Variants in SPTLC3 observed in about 807,000 individuals in gnomAD.
The protein encoded by SPTLC3 is serine palmitoyltransferase long chain base subunit 3.
In SPTLC3, 36 loss-of-function variants were observed where a neutral mutation model predicts 59.3. The ratio of observed to expected loss-of-function variants is 0.61; its 90% CI spans 0.47 to 0.80. The LOEUF (loss-of-function observed/expected upper bound fraction) is 0.80. Ranked by LOEUF, SPTLC3 falls within the 30% of genes least tolerant of loss-of-function variation. The probability of loss-of-function intolerance (pLI) is 0.00; values close to 1 mark genes in which losing one functional copy is unlikely to be tolerated. For missense variants in SPTLC3, 625 were observed against 685.1 expected (o/e 0.91, Z 0.98); for synonymous variants, 257 against 240.8 (o/e 1.07, Z -0.62).
At chr20:13,048,376 T>A (rs926249656) in intron 1 of SPTLC3, among the ~76,000 whole-genome samples, 1 of 152,222 alleles carries the variant, frequency 6.6e-6, no homozygotes. Flanking sequence ...CAGACTTTTT[T>A]AAAAGACCAG....
intron 9 of SPTLC3, among the ~76,000 whole-genome samples, chr20:13,132,472 A>C (rs2038143478): frequency 1.3e-5 from 2 of 151,930 alleles, no homozygotes; most frequent in Admixed American, 6.6e-5. Flanking sequence ...GACCGCACCC[A>C]GCCGCTTTAA....
chr20:13,107,238 T>G (rs1989956241), intron 6 of SPTLC3, among the ~76,000 whole-genome samples: 1 of 152,140 alleles, frequency 6.6e-6, no homozygotes, highest in Non-Finnish European at 1.5e-5. Flanking sequence ...GTTACCCAGA[T>G]GATTATTTCT....
At position 13,093,513 on chromosome 20, in the gene SPTLC3, C is replaced by T. The variant is rs745733299; in HGVS notation, c.762C>T (p.Asn254=). The T allele has an allele frequency of 4.3e-6, 7 of 1,613,372 alleles. No individual in the cohort carries two copies. Among genetic ancestry groups the T allele is most frequent in the Non-Finnish European group, 5.9e-6 (7 of 1,179,472 alleles). ...GCCTCATTTTAAGTGATGAGTTAAA[C>T]CACACATCGCTTGTGCTTGGGGCCC... The part of the protein sequence containing the change: ...KGCLILSDEL[N]HTSLVLGARL... Residue 254 remains asparagine (N), a synonymous_variant, in exon 6 of 12, where the codon AAC becomes AAT. Transcript: ENST00000399002.
intron 2 of SPTLC3, among the ~76,000 whole-genome samples, chr20:13,061,178 C>T (rs769515769): frequency 2.6e-5 from 4 of 151,982 alleles, no homozygotes; most frequent in East Asian, 1.9e-4. Flanking sequence ...TGAGGAATAC[C>T]GTGACTCAGG....
chr20:13,103,929 T>C (rs1398003208), intron 6 of SPTLC3, among the ~76,000 whole-genome samples: 1 of 152,162 alleles, frequency 6.6e-6, no homozygotes, highest in East Asian at 1.9e-4. Context: ...AGATTCTGGG[T>C]CCCTTGCTGC....
At chr20:13,010,510 C>A (rs1050395171) in intron 1 of SPTLC3, among the ~76,000 whole-genome samples, 1 of 152,162 alleles carries the variant, frequency 6.6e-6, no homozygotes, top group East Asian at 1.9e-4. Flanking sequence ...AAGCATTCCC[C>A]TCTTAACAAA....
rs55633710 is a variant in SPTLC3 at position 13,168,180 on chromosome 20, C to CT, written c.*3330dup. 2,086 of 140,302 alleles carry CT rather than the reference C, an allele frequency of 0.015. 27 individuals carry two copies. Among genetic ancestry groups the CT allele is most frequent in the African/African-American group, 0.026 (985 of 37,818 alleles). The allele number at this position is 140,302 out of a possible 1,614,324, so 8.7% of individuals were successfully genotyped here. On this transcript the variant is annotated 3_prime_UTR_variant, in exon 12 of 12. Transcript: ENST00000399002. Reference sequence around the variant, plus strand: ...TGTGGTATCTTTCTTTTCTTTCTTTCTTTTTTTTTTTTTTTTTGAGACAGA... The same window carrying CT: ...TGTGGTATCTTTCTTTTCTTTCTTTCTTTTTTTTTTTTTTTTTTGAGACAGA...
intron 1 of SPTLC3, among the ~76,000 whole-genome samples, chr20:13,041,334 A>G (rs1212523763): frequency 3.3e-5 from 5 of 151,230 alleles, no homozygotes; most frequent in African/African-American, 4.9e-5. Flanking sequence ...CCCCTTCTCT[A>G]TCTTAAAGTT....
At chr20:13,135,732 A>G (rs1428044719) in intron 9 of SPTLC3, among the ~76,000 whole-genome samples, 4 of 152,254 alleles carry the variant, frequency 2.6e-5, no homozygotes, top group Non-Finnish European at 5.9e-5. Flanking sequence ...TTCTAGCTAT[A>G]TGAACAGGCC....
At chr20:13,029,994 T>C (rs2122425587) in intron 1 of SPTLC3, among the ~76,000 whole-genome samples, 1 of 152,288 alleles carries the variant, frequency 6.6e-6, no homozygotes, top group Admixed American at 6.5e-5. Flanking sequence ...GGGTGGGACC[T>C]AGGTATAGTA....
At chr20:13,087,101 C>T (rs1181806189) in intron 4 of SPTLC3, among the ~76,000 whole-genome samples, 1 of 152,108 alleles carries the variant, frequency 6.6e-6, no homozygotes, top group East Asian at 1.9e-4. Flanking sequence ...TAGCCTCCTC[C>T]CCGTCTTTAA....
At chr20:13,101,477 C>A (rs1222016834) in intron 6 of SPTLC3, among the ~76,000 whole-genome samples, 1 of 152,180 alleles carries the variant, frequency 6.6e-6, no homozygotes, top group African/African-American at 2.4e-5. Flanking sequence ...TTGGCCTCTG[C>A]ATTCTTGCTC....
chr20:13,161,333 G>A (rs147856482), intron 11 of SPTLC3, among the ~76,000 whole-genome samples: 249 of 152,264 alleles, frequency 1.6e-3, no homozygotes, highest in African/African-American at 5.8e-3. Flanking sequence ...GAGACTATGT[G>A]TCCATGGTCC....
intron 2 of SPTLC3, among the ~76,000 whole-genome samples, chr20:13,056,986 T>C (rs6033604): frequency 0.87 from 132,500 of 151,922 alleles, 57,835 homozygotes; most frequent in East Asian, 0.91. Context: ...ATTATCTGCC[T>C]GCCTCAGCCT....
intron 1 of SPTLC3, among the ~76,000 whole-genome samples, chr20:13,025,659 C>T (rs191548395): frequency 6.6e-6 from 1 of 152,274 alleles, no homozygotes; most frequent in Admixed American, 6.5e-5. Flanking sequence ...TCCCTCTCTG[C>T]CCCTTCTTTG....
intron 1 of SPTLC3, among the ~76,000 whole-genome samples, chr20:13,026,717 T>G (rs1291248547): frequency 2.0e-5 from 3 of 152,228 alleles, no homozygotes; most frequent in African/African-American, 7.2e-5. Context: ...TAGCAGACCC[T>G]GCTGGTGCCA....
At chr20:13,120,897 C>T (rs907445634) in intron 8 of SPTLC3, among the ~76,000 whole-genome samples, 2 of 152,116 alleles carry the variant, frequency 1.3e-5, no homozygotes, top group African/African-American at 2.4e-5. Context: ...GGTTTGGAGC[C>T]GCTATAGATG....
chr20:13,074,498 G>A lies in SPTLC3; in HGVS notation c.607+1G>A, dbSNP rs1203817623. On this transcript the variant is annotated splice_donor_variant, in intron 4 of 11. Coordinates refer to ENST00000399002, the MANE Select transcript of SPTLC3 (RefSeq NM_018327.4). LOFTEE classifies it high-confidence loss of function. ...GTGGCCAGCACCAGGCATGAAATGG[G>A]TATGTACATTCACTGTTTTGAAACT... 1 of 1,609,492 alleles carries A rather than the reference G, an allele frequency of 6.2e-7. No individual in the cohort carries two copies. Among genetic ancestry groups the A allele is most frequent in the Admixed American group, 1.7e-5 (1 of 59,408 alleles).
chr20:13,140,135 G>A (rs1346588185), intron 9 of SPTLC3, among the ~76,000 whole-genome samples: 1 of 152,178 alleles, frequency 6.6e-6, no homozygotes, highest in Non-Finnish European at 1.5e-5. Context: ...TGCCAGAGGA[G>A]GGGAGAATGT....
Sources: allele counts gnomAD v4.1 joint callset (sites outside exome capture counted in the v4.1 genomes callset), GRCh38; gene constraint gnomAD v4.1.1; transcripts MANE v1.5; gene names NCBI Gene and HGNC (gene_info 2026-07-23, HGNC 2026-07-21).